Variants in SHFL observed in about 807,000 individuals in gnomAD.
SHFL encodes shiftless antiviral inhibitor of ribosomal frameshifting, also known as shiftless antiviral inhibitor of ribosomal frameshifting protein.
SHFL carries 12 observed loss-of-function variants against 34.7 expected under a neutral mutation model. That is an observed-to-expected ratio of 0.35 (90% CI 0.22 to 0.56). The LOEUF (loss-of-function observed/expected upper bound fraction) is 0.56. SHFL is among the 20% of genes least tolerant of loss of function. SHFL has a pLI of 0.88. For synonymous variants in SHFL, 148 were observed against 156.0 expected, an observed-to-expected ratio of 0.95 and a Z score of 0.38; for missense variants, 278 against 411.1, an observed-to-expected ratio of 0.68 and a Z score of 2.80.
intron 3 of SHFL, among the ~76,000 whole-genome samples, chr19:10,088,477 G>A (rs2088326807): frequency 1.3e-5 from 2 of 151,460 alleles, no homozygotes; most frequent in South Asian, 4.2e-4. Flanking sequence ...GCTGAGGCAG[G>A]AGAATGGCGT....
rs1439251469 is a variant in SHFL, at chr19:10,087,304, A to T, written c.195+4A>T. The T allele has an allele frequency of 3.7e-6, 6 of 1,613,964 alleles. No homozygotes were observed. Among genetic ancestry groups the T allele is most frequent in the Non-Finnish European group, 5.1e-6 (6 of 1,179,876 alleles). On this transcript the variant is annotated splice_donor_region_variant and intron_variant, in intron 3 of 7. Transcript: ENST00000253110. ...AAGTAACGATCTGGATGCCCAGGTA[A>T]CCTATCCCCTCCCCTCGCAAAGGAC...
At chr19:10,088,561 T>C (rs1447388035) in intron 3 of SHFL, among the ~76,000 whole-genome samples, 1 of 151,710 alleles carries the variant, frequency 6.6e-6, no homozygotes, top group African/African-American at 2.4e-5. Flanking sequence ...AGAGCGATTC[T>C]CCGTCTCAAA....
intron 2 of SHFL, 64 bp from the exon 3 acceptor site, chr19:10,087,187 G>A: frequency 6.2e-7 from 1 of 1,608,548 alleles, no homozygotes; most frequent in South Asian, 1.1e-5. Context: ...TCGCGGCTCT[G>A]GGTGGCCTGG....
At chr19:10,089,469 C>G in intron 3 of SHFL, 188 bp from the exon 4 acceptor site, 1 of 1,468,304 alleles carries the variant, frequency 6.8e-7, no homozygotes, top group South Asian at 1.2e-5. Context: ...CAGGTGTGCC[C>G]ACCTCTCAGG....
chr19:10,086,777 A>T lies in SHFL; in HGVS notation c.22-152A>T. On this transcript the variant is annotated intron_variant, in intron 1 of 7. Coordinates refer to ENST00000253110, the MANE Select transcript of SHFL (RefSeq NM_018381.4). The surrounding 1 kb of genome is among the most constrained non-coding windows in gnomAD (Gnocchi z 5.2). The stretch of plus-strand genomic sequence containing the variant: ...CCCTGTGGGGACTTTGGCTTTTTCC[A>T]GGAAATGCCGTAAAGGGATGAAAGG... 2 of 1,012,308 alleles carry T rather than the reference A, an allele frequency of 2.0e-6. No homozygotes were observed. The highest frequency in any genetic ancestry group is 2.8e-6 in the Non-Finnish European group (2 of 702,858). The allele number at this position is 1,012,308 out of a possible 1,614,324, so 62.7% of individuals were successfully genotyped here.
chr19:10,093,206 T>G lies in SHFL; in HGVS notation c.*904T>G. ...CCCCACCAGGATAAAAGTCCTGACC[T>G]TTGTTCTCTTGACGGAATAAAAGCT... is the stretch of plus-strand genomic sequence containing the variant. On this transcript the variant is annotated 3_prime_UTR_variant, in exon 8 of 8. Coordinates refer to ENST00000253110, the MANE Select transcript of SHFL (RefSeq NM_018381.4). The G allele has an allele frequency of 8.5e-7, 1 of 1,182,804 alleles. No individual in the cohort carries two copies. The highest frequency in any genetic ancestry group is 1.2e-6 in the Non-Finnish European group (1 of 840,862). 73.3% of individuals were successfully genotyped at this position (1,182,804 alleles called of 1,614,324 possible). A position where few individuals can be genotyped will look rare whatever the true frequency, so the allele number is the denominator to read the frequency against.
At chr19:10,092,033 C>T (rs781505336) in intron 7 of SHFL, 37 bp from the exon 8 acceptor site, 1 of 1,613,450 alleles carries the variant, frequency 6.2e-7, no homozygotes, top group Non-Finnish European at 8.5e-7. Flanking sequence ...CTCATGGGAC[C>T]TCCAGCCCCA....
Position 10,092,313 on chromosome 19 carries a change from G to A in SHFL, c.*11G>A, listed in dbSNP as rs2088407976. On this transcript the variant is annotated 3_prime_UTR_variant, in exon 8 of 8. Coordinates refer to ENST00000253110, the MANE Select transcript of SHFL (RefSeq NM_018381.4). Reference sequence around the variant, plus strand: ...GGGCCCAGGGAGTGACCCCTGCCAGGTGCAGATACAAACCAGACACGGTCT... The same window carrying A: ...GGGCCCAGGGAGTGACCCCTGCCAGATGCAGATACAAACCAGACACGGTCT... 2.6e-6 allele frequency: 4 copies of A among 1,563,498 alleles called. No homozygotes were observed. The highest frequency in any genetic ancestry group is 2.0e-5 in the Admixed American group (1 of 50,876).
Position 10,086,341 on chromosome 19 carries a change from G to A in SHFL, c.-87G>A. 4.2e-6 allele frequency: 5 copies of A among 1,199,114 alleles called. No homozygotes were observed. Among genetic ancestry groups the A allele is most frequent in the Middle Eastern group, 2.9e-4 (1 of 3,472 alleles). 74.3% of individuals were successfully genotyped at this position (1,199,114 alleles called of 1,614,324 possible). The stretch of plus-strand genomic sequence containing the variant: ...CGAGGCACCGCCCCCTGCCCTGCGC[G>A]GCTGCTGGACCGACGGGCGCACCCA... On this transcript the variant is annotated 5_prime_UTR_variant, in exon 1 of 8. Coordinates refer to ENST00000253110, the MANE Select transcript of SHFL (RefSeq NM_018381.4). The surrounding 1 kb of genome is among the most constrained non-coding windows in gnomAD (Gnocchi z 5.2).
rs890034594 is a variant in SHFL at position 10,091,651 on chromosome 19, C to G, written c.643+21C>G. 1.3e-6 allele frequency: 2 copies of G among 1,534,126 alleles called. No individual in the cohort carries two copies. The highest frequency in any genetic ancestry group is 1.8e-4 in the Middle Eastern group (1 of 5,536). ...GCGAGGTGAGGCTCTTCTCCCCCAA[C>G]AGCCTGGACAGTCTTTGTCCCCTTC... is the stretch of plus-strand genomic sequence containing the variant. On this transcript the variant is annotated intron_variant, in intron 7 of 7. Coordinates refer to ENST00000253110, the MANE Select transcript of SHFL (RefSeq NM_018381.4). This position sits in a 1 kb window ranked among gnomAD's most constrained non-coding sequence, Gnocchi z 8.2.
rs1274486479 is a variant in SHFL, at chr19:10,091,111, C to A, written c.385-139C>A. 4 of 647,480 alleles carry A rather than the reference C, an allele frequency of 6.2e-6. No individual in the cohort carries two copies. The highest frequency in any genetic ancestry group is 1.1e-5 in the Non-Finnish European group (4 of 359,060). The allele number at this position is 647,480 out of a possible 1,614,324, so 40.1% of individuals were successfully genotyped here. On this transcript the variant is annotated intron_variant, in intron 5 of 7. Coordinates refer to ENST00000253110, the MANE Select transcript of SHFL (RefSeq NM_018381.4). This position sits in a 1 kb window ranked among gnomAD's most constrained non-coding sequence, Gnocchi z 8.2. ...CCCACCATGGTCAATATCAGGCTAC[C>A]CACGTGAAGTCACTGATTGAGTTGG...
chr19:10,086,380 C>G lies in SHFL; in HGVS notation c.-48C>G. The G allele has an allele frequency of 7.8e-7, 1 of 1,277,238 alleles. No individual in the cohort carries two copies. The highest frequency in any genetic ancestry group is 1.0e-6 in the Non-Finnish European group (1 of 1,004,720). 79.1% of individuals were successfully genotyped at this position (1,277,238 alleles called of 1,614,324 possible). On this transcript the variant is annotated 5_prime_UTR_variant, in exon 1 of 8. Coordinates refer to ENST00000253110, the MANE Select transcript of SHFL (RefSeq NM_018381.4). The surrounding 1 kb of genome is among the most constrained non-coding windows in gnomAD (Gnocchi z 5.2). ...CGGGCGCACCCAGGTAGGGGGGCGG[C>G]TGAGCCGCGCAGTGCGGACCCTCGC...
chr19:10,091,998 G>A lies in SHFL; in HGVS notation c.644-72G>A. The A allele has an allele frequency of 2.5e-6, 4 of 1,594,360 alleles. No homozygotes were observed. Among genetic ancestry groups the A allele is most frequent in the Non-Finnish European group, 3.4e-6 (4 of 1,169,382 alleles). Reference sequence around the variant, plus strand: ...CAGCTCCTCCCTAGAGCCCCGCGTGGCCTAAGTCCCCTCCTCCCCAGACTC... The same window carrying A: ...CAGCTCCTCCCTAGAGCCCCGCGTGACCTAAGTCCCCTCCTCCCCAGACTC... On this transcript the variant is annotated intron_variant, in intron 7 of 7. Coordinates refer to ENST00000253110, the MANE Select transcript of SHFL (RefSeq NM_018381.4). The surrounding 1 kb of genome is among the most constrained non-coding windows in gnomAD (Gnocchi z 8.2).
chr19:10,089,341 CACA>C (rs2088342383), intron 3 of SHFL: 2 of 1,598,396 alleles, frequency 1.3e-6, no homozygotes, highest in African/African-American at 2.7e-5. Flanking sequence ...GGCGATATGT[CACA>C]ACATCAACAA....
At chr19:10,087,166 G>T (rs1176526843) in intron 2 of SHFL, 85 bp from the exon 3 acceptor site, 1 of 1,600,282 alleles carries the variant, frequency 6.2e-7, no homozygotes, top group Non-Finnish European at 8.5e-7. Context: ...CAGCCTTGGG[G>T]AGGCTCTGCG....
chr19:10,090,908 TA>T (rs925240828), intron 5 of SHFL, among the ~76,000 whole-genome samples: 109 of 138,850 alleles, frequency 7.9e-4, no homozygotes, highest in South Asian at 7.2e-4. Flanking sequence ...ACTCTGTCTC[TA>T]AAAAAAAAAA....
In SHFL at chr19:10,091,553, C is replaced by T. The variant is rs773529150; in HGVS notation, c.566C>T (p.Pro189Leu). Residue 189 changes from proline (P) to leucine (L), a missense_variant, in exon 7 of 8, where the codon CCG becomes CTG. By Grantham distance (98) the Pro-to-Leu change is moderately conservative. Transcript: ENST00000253110. The surrounding 1 kb of genome is among the most constrained non-coding windows in gnomAD (Gnocchi z 8.2). ...FPVYPTRILP[P>L]RWDRDPDRRS... ...GTGTATCCAACACGGATCCTCCCCC[C>T]GCGCTGGGACCGGGACCCGGATCGC... 5.2e-6 allele frequency: 8 copies of T among 1,550,964 alleles called. No individual in the cohort carries two copies. Among genetic ancestry groups the T allele is most frequent in the Admixed American group, 3.9e-5 (2 of 50,980 alleles).
chr19:10,091,840 GC>G lies in SHFL; in HGVS notation c.643+215del. On this transcript the variant is annotated intron_variant, in intron 7 of 7. Coordinates refer to ENST00000253110, the MANE Select transcript of SHFL (RefSeq NM_018381.4). This position sits in a 1 kb window ranked among gnomAD's most constrained non-coding sequence, Gnocchi z 8.2. Reference sequence around the variant, plus strand: ...GTGCCTGAGGGTCCCCATGGCCTCTGCCCCCATGGTCTCTGGGTTTGGGGCC... The same window carrying G: ...GTGCCTGAGGGTCCCCATGGCCTCTGCCCCATGGTCTCTGGGTTTGGGGCC... 3.4e-6 allele frequency: 3 copies of G among 894,700 alleles called. No individual in the cohort carries two copies. Among genetic ancestry groups the G allele is most frequent in the South Asian group, 1.8e-5 (1 of 54,798 alleles). 55.4% of individuals were successfully genotyped at this position (894,700 alleles called of 1,614,324 possible).
At position 10,087,027 on chromosome 19, in the gene SHFL, G is replaced by A. The variant is rs374047761; in HGVS notation, c.120G>A (p.Thr40=). 8.4e-5 allele frequency: 136 copies of A among 1,612,558 alleles called. No homozygotes were observed. Among genetic ancestry groups the A allele is most frequent in the Non-Finnish European group, 1.0e-4 (119 of 1,179,380 alleles). ...TGAGGAAATTCGGCAGCGACCACAC[G>A]GGAGTGGGGCGCTCCATCGTGTACG... is the stretch of plus-strand genomic sequence containing the variant. The part of the protein sequence containing the change: ...ALMRKFGSDH[T]GVGRSIVYGV... The change falls in exon 2 of 8, where the codon ACG becomes ACA. Residue 40 remains threonine, a synonymous_variant. Transcript: ENST00000253110.
Sources: gnomAD v4.1 joint callset for allele counts (sites outside exome capture counted in the v4.1 genomes callset) on GRCh38, gnomAD v4.1.1 for gene constraint, Gnocchi (gnomAD v3.1) non-coding constraint, MANE v1.5 for transcripts, NCBI Gene and HGNC (gene_info 2026-07-23, HGNC 2026-07-21) for gene names.